FAT2: variants seen among roughly 807,000 people sequenced by gnomAD.
FAT2 encodes the protein protocadherin Fat 2.
A neutral mutation model predicts 295.3 loss-of-function variants in FAT2; 150 were observed. That is an observed-to-expected ratio of 0.51 (90% CI 0.44 to 0.58). The LOEUF (loss-of-function observed/expected upper bound fraction) is 0.58. Among genes scored for constraint, FAT2 ranks in the 20% least tolerant of loss-of-function variants. The pLI, the probability that FAT2 is intolerant of heterozygous loss-of-function variation, is 0.00. For synonymous variants in FAT2, 2,026 were observed against 2,150.3 expected (o/e 0.94, Z 1.60); for missense variants, 4,868 against 5,442.7 (o/e 0.89, Z 3.32).
chr5:151,535,579 G>A (rs1755184655), intron 12 of FAT2, among the ~76,000 whole-genome samples: 1 of 152,172 alleles, frequency 6.6e-6, no homozygotes, highest in Non-Finnish European at 1.5e-5. Context: ...ATCCTTTGCA[G>A]TATCCTTTAT....
intron 1 of FAT2, 134 bp from the exon 2 acceptor site, chr5:151,569,085 G>T: frequency 2.3e-6 from 2 of 854,426 alleles, no homozygotes; most frequent in Admixed American, 2.9e-5. Context: ...GGCTGACCCA[G>T]CTTGGGAGTG....
At chr5:151,552,618 G>A (rs1313137499) in intron 6 of FAT2, among the ~76,000 whole-genome samples, 2 of 152,314 alleles carry the variant, frequency 1.3e-5, no homozygotes, top group East Asian at 1.9e-4. Context: ...CTAAGCGTTC[G>A]TCAGATTCCT....
intron 12 of FAT2, among the ~76,000 whole-genome samples, chr5:151,535,837 T>A (rs1335631689): frequency 6.6e-6 from 1 of 151,960 alleles, no homozygotes; most frequent in Non-Finnish European, 1.5e-5. Context: ...ACCTGAGGGG[T>A]CTCCGCTGCT....
rs1384324061 is a variant in FAT2 at position 151,566,564 on chromosome 5, C to G, written c.2368G>C (p.Val790Leu). 6.2e-7 allele frequency: 1 copy of G among 1,614,102 alleles called. No individual in the cohort carries two copies. Among genetic ancestry groups the G allele is most frequent in the South Asian group, 1.1e-5 (1 of 91,066 alleles). The change falls in exon 2 of 24, where the codon GTA becomes CTA. Residue 790 changes from valine (V) to leucine (L), a missense_variant. This residue lies in a region of FAT2 where 3,297 missense variants were observed against 3,669.4 expected (regional missense o/e 0.90). Transcript: ENST00000261800. ...GGTGTGCCCAGGTCATATACTGTTA[C>G]ATTGAGGATGTAGAAATTGGTGGCT... ...YEATNFYILNVTVYDLGTPQK... is the reference protein window; with the variant it reads ...YEATNFYILNLTVYDLGTPQK...
intron 4 of FAT2, 68 bp from the exon 5 acceptor site, chr5:151,554,741 C>G (rs1241364998): frequency 2.4e-5 from 29 of 1,199,408 alleles, no homozygotes; most frequent in Non-Finnish European, 3.5e-5. Context: ...CTTTAACAAC[C>G]TGGAAATAGT....
chr5:151,530,762 GAC>G (rs1456394039), intron 14 of FAT2, among the ~76,000 whole-genome samples: 1 of 152,206 alleles, frequency 6.6e-6, no homozygotes, highest in African/African-American at 2.4e-5. Context: ...CAAGTGAAAT[GAC>G]ACAGTGTCTG....
At chr5:151,542,095 C>G (rs960771916) in intron 10 of FAT2, among the ~76,000 whole-genome samples, 190 bp downstream of exon 10, 1 of 152,176 alleles carries the variant, frequency 6.6e-6, no homozygotes, top group Non-Finnish European at 1.5e-5. Flanking sequence ...ACCAGCATGC[C>G]TGTGAGGTGA....
chr5:151,524,175 A>G (rs1450736124), intron 18 of FAT2, among the ~76,000 whole-genome samples: 1 of 152,056 alleles, frequency 6.6e-6, no homozygotes, highest in East Asian at 1.9e-4. Context: ...AAACCCTCCA[A>G]CCACCTCTCA....
At chr5:151,536,145 A>C (rs1561840300) in intron 12 of FAT2, among the ~76,000 whole-genome samples, 1 of 152,102 alleles carries the variant, frequency 6.6e-6, no homozygotes, top group Non-Finnish European at 1.5e-5. Context: ...TATCATGCAG[A>C]TGTTCCAGTT....
Position 151,567,605 on chromosome 5 carries a change from C to T in FAT2, c.1327G>A (p.Val443Met), listed in dbSNP as rs746156312. Residue 443 changes from valine to methionine, a missense_variant, in exon 2 of 24, where the codon GTG (valine) becomes ATG (methionine). Coordinates refer to ENST00000261800, the MANE Select transcript of FAT2 (RefSeq NM_001447.3). ...IRTSPGQAST[V>M]VVIDIVDCNN... ...CAGTCCACAATGTCAATGACCACCA[C>T]GGTGGAGGCCTGGCCCGGTGAGGTT... 20 of 1,614,130 alleles carry T rather than the reference C, an allele frequency of 1.2e-5. No individual in the cohort carries two copies. The highest frequency in any genetic ancestry group is 3.3e-5 in the Admixed American group (2 of 60,020).
In FAT2 at chr5:151,563,380, G is replaced by T. The variant is rs2127641582; in HGVS notation, c.3519C>A (p.Thr1173=). Residue 1173 remains threonine, a synonymous_variant, in exon 3 of 24, where the codon ACC becomes ACA. Coordinates refer to ENST00000261800, the MANE Select transcript of FAT2 (RefSeq NM_001447.3). The part of the protein sequence containing the change: ...DPDSSSKGKL[T]FNITSGNYMG... Reference sequence around the variant, plus strand: ...TGTAGTTCCCACTGGTGATGTTGAAGGTCAGCTTCCCTTTGGAGCTGGAGT... The same window carrying T: ...TGTAGTTCCCACTGGTGATGTTGAATGTCAGCTTCCCTTTGGAGCTGGAGT... 1 of 1,614,218 alleles carries T rather than the reference G, an allele frequency of 6.2e-7. No homozygotes were observed. Among genetic ancestry groups the T allele is most frequent in the South Asian group, 1.1e-5 (1 of 91,082 alleles).
At chr5:151,589,779 T>C (rs1454518323) in intron 1 of FAT2, among the ~76,000 whole-genome samples, 1 of 152,134 alleles carries the variant, frequency 6.6e-6, no homozygotes, top group Non-Finnish European at 1.5e-5. Context: ...TGTTTGTCTG[T>C]GGTCCTAGCT....
rs1754654601 is a variant in FAT2 at position 151,531,846 on chromosome 5, C to G, written c.9552G>C (p.Glu3184Asp). Reference protein sequence around the residue: ...PLQVRPQAPLELTVRASDLGT... With the variant: ...PLQVRPQAPLDLTVRASDLGT... ...CCAGGTCAGAGGCACGGACCGTGAG[C>G]TCCAGTGGTGCCTGGGGCCTGACCT... Residue 3184 changes from glutamate to aspartate, a missense_variant, in exon 14 of 24, where the codon GAG (glutamate) becomes GAC (aspartate). Glu to Asp is a conservative substitution (Grantham distance 45). Around this residue, in one of 5 missense-constraint regions of FAT2, gnomAD observed 1,046 missense variants for 1,210.1 expected, o/e 0.86. Transcript: ENST00000261800. This position sits in a 1 kb window ranked among gnomAD's most constrained non-coding sequence, Gnocchi z 5.7. 1 of 1,614,098 alleles carries G rather than the reference C, an allele frequency of 6.2e-7. No individual in the cohort carries two copies. The highest frequency in any genetic ancestry group is 8.5e-7 in the Non-Finnish European group (1 of 1,180,016).
At position 151,543,300 on chromosome 5, in the gene FAT2, G is replaced by A; in HGVS notation, c.7827C>T (p.Ala2609=). 1 of 1,614,172 alleles carries A rather than the reference G, an allele frequency of 6.2e-7. No homozygotes were observed. The highest frequency in any genetic ancestry group is 8.5e-7 in the Non-Finnish European group (1 of 1,180,034). The part of the protein sequence containing the change: ...SKDSPVIQVL[A]YDADEGQNAD... ...CGTTCTGACCTTCATCTGCATCATA[G>A]GCCAACACCTGGATAACCGGAGAGT... The change falls in exon 10 of 24, where the codon GCC becomes GCT. Residue 2609 remains alanine, a synonymous_variant. Transcript: ENST00000261800.
intron 11 of FAT2, 123 bp downstream of exon 11, chr5:151,540,444 C>G: frequency 1.6e-6 from 1 of 623,694 alleles, no homozygotes; most frequent in Non-Finnish European, 2.7e-6. Context: ...TTCTCCTGCC[C>G]CTCACTCTCT....
chr5:151,537,285 G>T (rs1425557286), intron 12 of FAT2, among the ~76,000 whole-genome samples: 1 of 149,650 alleles, frequency 6.7e-6, no homozygotes, highest in African/African-American at 2.5e-5. Context: ...GGTGGAGGAG[G>T]AGGAGGAGGA....
chr5:151,586,641 AC>A (rs1352019896), intron 1 of FAT2, among the ~76,000 whole-genome samples: 1 of 152,128 alleles, frequency 6.6e-6, no homozygotes, highest in African/African-American at 2.4e-5. Context: ...TAGCCAAAGC[AC>A]TCTAACTTAA....
chr5:151,534,771 C>T, intron 12 of FAT2, 129 bp from the exon 13 acceptor site: 1 of 699,902 alleles, frequency 1.4e-6, no homozygotes, highest in Non-Finnish European at 2.4e-6. Context: ...GGGGTCAATA[C>T]AGTCAGGAAA....
At chr5:151,522,247 A>G in intron 18 of FAT2, 161 bp from the exon 19 acceptor site, 1 of 576,406 alleles carries the variant, frequency 1.7e-6, no homozygotes, top group African/African-American at 1.9e-5. Flanking sequence ...ACCTAACTCC[A>G]AAAGCACTGA....
Sources: gnomAD v4.1 joint callset for allele counts (sites outside exome capture counted in the v4.1 genomes callset) on GRCh38, gnomAD v4.1.1 for gene constraint, gnomAD v4.1.1 regional missense constraint, Gnocchi (gnomAD v3.1) non-coding constraint, MANE v1.5 for transcripts, NCBI Gene and HGNC (gene_info 2026-07-23, HGNC 2026-07-21) for gene names.